ADGRB1: variants seen among roughly 807,000 people sequenced by gnomAD.
ADGRB1 encodes the protein adhesion G protein-coupled receptor B1.
ADGRB1 carries 36 observed loss-of-function variants against 175.7 expected under a neutral mutation model. That is an observed-to-expected ratio of 0.20 (90% CI 0.16 to 0.27). The LOEUF is 0.27. ADGRB1 is among the 10% of genes least tolerant of loss of function. The probability of loss-of-function intolerance (pLI) is 1.00; values close to 1 mark genes in which losing one functional copy is unlikely to be tolerated. For missense variants in ADGRB1, 1,731 were observed against 2,255.3 expected (o/e 0.77, Z 4.71); for synonymous variants, 1,054 against 979.4 (o/e 1.08, Z -1.42).
chr8:142,510,015 A>G lies in ADGRB1; in HGVS notation c.2676-917A>G, dbSNP rs1842997079. On this transcript the variant is annotated intron_variant, in intron 17 of 30. Transcript: ENST00000517894. This position sits in a 1 kb window ranked among gnomAD's most constrained non-coding sequence, Gnocchi z 6.3. Reference sequence around the variant, plus strand: ...AGGAGGGACACGGTGGCTTCCGGACAGGAGGGCTGCCTTGAAGGGTGGGGG... The same window carrying G: ...AGGAGGGACACGGTGGCTTCCGGACGGGAGGGCTGCCTTGAAGGGTGGGGG... Among the ~76,000 whole-genome samples the G allele has an allele frequency of 6.6e-6, 1 of 151,988 alleles. No individual in the cohort carries two copies. The highest frequency in any genetic ancestry group is 1.5e-5 in the Non-Finnish European group (1 of 67,976).
At chr8:142,480,092 C>T (rs2131817676) in intron 9 of ADGRB1, among the ~76,000 whole-genome samples, 1 of 152,330 alleles carries the variant, frequency 6.6e-6, no homozygotes, top group East Asian at 1.9e-4. Context: ...AACTGAGGCA[C>T]AGGGAAGTGA....
At chr8:142,478,022 AC>A (rs1462165997) in intron 6 of ADGRB1, among the ~76,000 whole-genome samples, 164 bp from the exon 7 acceptor site, 1 of 133,796 alleles carries the variant, frequency 7.5e-6, no homozygotes, top group Non-Finnish European at 1.6e-5. Context: ...GGGTGTTCTC[AC>A]CCATGTCACA....
At chr8:142,526,680 C>A (rs1844221806) in intron 24 of ADGRB1, 53 bp downstream of exon 24, 1 of 1,516,252 alleles carries the variant, frequency 6.6e-7, no homozygotes, top group East Asian at 2.4e-5. Context: ...AGACCCAGAG[C>A]CCACCCAGCC....
intron 19 of ADGRB1, among the ~76,000 whole-genome samples, chr8:142,520,467 G>A (rs377071658): frequency 1.7e-5 from 2 of 116,274 alleles, no homozygotes; most frequent in Non-Finnish European, 3.5e-5. Context: ...GGTGGTGGTG[G>A]TGGTGATGGT....
intron 9 of ADGRB1, among the ~76,000 whole-genome samples, chr8:142,480,770 C>G (rs1434063652): frequency 6.6e-6 from 1 of 152,196 alleles, no homozygotes; most frequent in African/African-American, 2.4e-5. Flanking sequence ...TGGGAGTGAG[C>G]TCTGTATCAC....
At chr8:142,514,276 G>A (rs1414441143) in intron 18 of ADGRB1, among the ~76,000 whole-genome samples, 5 of 152,010 alleles carry the variant, frequency 3.3e-5, no homozygotes, top group Admixed American at 1.3e-4. Flanking sequence ...GATGAGATCC[G>A]GGCAGGGTGG....
At chr8:142,454,375 G>A (rs905271361) in intron 1 of ADGRB1, among the ~76,000 whole-genome samples, 7 of 152,208 alleles carry the variant, frequency 4.6e-5, no homozygotes, top group African/African-American at 1.7e-4. Flanking sequence ...GCCACGGCCC[G>A]AAAACCTGTG....
In ADGRB1 at chr8:142,537,134, G is replaced by T. The variant is rs902723717; in HGVS notation, c.3666+52G>T. The T allele has an allele frequency of 2.0e-5, 27 of 1,344,912 alleles. No homozygotes were observed. The highest frequency in any genetic ancestry group is 2.6e-5 in the Non-Finnish European group (27 of 1,026,510). The allele number at this position is 1,344,912 out of a possible 1,614,324, so 83.3% of individuals were successfully genotyped here. ...GCTGCCCTACCTGCCTCGTACCCCC[G>T]CCAAGTGCCTCCAGGCCCTCACCGT... is the stretch of plus-strand genomic sequence containing the variant. On this transcript the variant is annotated intron_variant, in intron 26 of 30. Coordinates refer to ENST00000517894, the MANE Select transcript of ADGRB1 (RefSeq NM_001702.3). This position sits in a 1 kb window ranked among gnomAD's most constrained non-coding sequence, Gnocchi z 4.6.
chr8:142,535,301 T>C (rs1254628593), intron 25 of ADGRB1, among the ~76,000 whole-genome samples: 4 of 152,064 alleles, frequency 2.6e-5, no homozygotes, highest in Non-Finnish European at 5.9e-5. Flanking sequence ...GTCTCAGATG[T>C]GCAAGAAGCC....
At chr8:142,538,612 G>A (rs1845076512) in intron 26 of ADGRB1, among the ~76,000 whole-genome samples, 1 of 152,184 alleles carries the variant, frequency 6.6e-6, no homozygotes, top group South Asian at 2.1e-4. Context: ...CCTGTCCCCT[G>A]GAGCCCCAGG....
At chr8:142,529,852 CTGTG>C (rs1447746845) in intron 24 of ADGRB1, among the ~76,000 whole-genome samples, 2 of 146,864 alleles carry the variant, frequency 1.4e-5, no homozygotes, top group East Asian at 4.1e-4. Flanking sequence ...GAGTGTGCAT[CTGTG>C]TGGGTGCAAC....
At chr8:142,533,755 C>T (rs1323833159) in intron 25 of ADGRB1, among the ~76,000 whole-genome samples, 3 of 152,198 alleles carry the variant, frequency 2.0e-5, no homozygotes, top group Non-Finnish European at 2.9e-5. Flanking sequence ...CCCCCATCCT[C>T]AAGGGGCCTA....
chr8:142,453,692 G>A (rs1230018898), intron 1 of ADGRB1, among the ~76,000 whole-genome samples: 1 of 152,172 alleles, frequency 6.6e-6, no homozygotes, highest in African/African-American at 2.4e-5. Flanking sequence ...GCAAGGGGGA[G>A]GGCGTGGTCC....
Position 142,522,018 on chromosome 8 carries a change from C to T in ADGRB1, c.3078C>T (p.Phe1026=), listed in dbSNP as rs373207932. 563 of 1,612,048 alleles carry T rather than the reference C, an allele frequency of 3.5e-4. 4 individuals carry two copies. In the African/African-American group the frequency reaches 7.0e-3, roughly 20 times the overall value. ...TGCACTTCTTCTTCCTGTCCTCCTT[C>T]TGCTGGGTGCTCACCGAGGCCTGGC... is the stretch of plus-strand genomic sequence containing the variant. ...AFLHFFFLSS[F]CWVLTEAWQS... is the part of the protein sequence containing the mutation. The change falls in exon 21 of 31, where the codon TTC becomes TTT. Residue 1026 remains phenylalanine (F), a synonymous_variant. Transcript: ENST00000517894.
At chr8:142,513,667 G>A in intron 18 of ADGRB1, among the ~76,000 whole-genome samples, 1 of 152,196 alleles carries the variant, frequency 6.6e-6, no homozygotes, top group East Asian at 1.9e-4. Flanking sequence ...TGGGTGCATG[G>A]CCACAGCCTT....
intron 17 of ADGRB1, among the ~76,000 whole-genome samples, chr8:142,507,549 A>G (rs922258665): frequency 5.9e-5 from 9 of 152,196 alleles, no homozygotes; most frequent in African/African-American, 2.2e-4. Context: ...TAAACGACTC[A>G]GCACCCACAG....
Position 142,464,780 on chromosome 8 carries a change from C to G in ADGRB1, c.582C>G (p.Asp194Glu). 2 of 1,535,030 alleles carry G rather than the reference C, an allele frequency of 1.3e-6. No individual in the cohort carries two copies. The highest frequency in any genetic ancestry group is 2.8e-5 in the African/African-American group (2 of 72,604). Residue 194 changes from aspartate to glutamate, a missense_variant, in exon 2 of 31, where the codon GAC becomes GAG. Asp to Glu is a conservative substitution (Grantham distance 45). Coordinates refer to ENST00000517894, the MANE Select transcript of ADGRB1 (RefSeq NM_001702.3). ...AACQMLCRWL[D>E]ACLAGSRSSH... is the part of the protein sequence containing the mutation. Reference sequence around the variant, plus strand: ...GCCAGATGCTGTGCCGCTGGCTGGACGCGTGTCTGGCCGGTAGTCGCAGCT... The same window carrying G: ...GCCAGATGCTGTGCCGCTGGCTGGAGGCGTGTCTGGCCGGTAGTCGCAGCT...
intron 24 of ADGRB1, among the ~76,000 whole-genome samples, chr8:142,527,287 GC>G (rs1468974815): frequency 6.6e-6 from 1 of 152,106 alleles, no homozygotes; most frequent in Non-Finnish European, 1.5e-5. Context: ...TGGTCCTCCC[GC>G]CCCTCACCTC....
chr8:142,485,674 A>G (rs932684708), intron 13 of ADGRB1, among the ~76,000 whole-genome samples: 3 of 152,232 alleles, frequency 2.0e-5, no homozygotes, highest in African/African-American at 7.2e-5. Flanking sequence ...ACTGGTGCCC[A>G]GGACGTAACT....
Sources: allele counts gnomAD v4.1 joint callset (sites outside exome capture counted in the v4.1 genomes callset), GRCh38; gene constraint gnomAD v4.1.1; non-coding constraint Gnocchi (gnomAD v3.1); transcripts MANE v1.5; gene names NCBI Gene and HGNC (gene_info 2026-07-23, HGNC 2026-07-21).